SHCBP1L: variants seen among roughly 807,000 people sequenced by gnomAD.
SHCBP1L encodes testicular spindle-associated protein SHCBP1L.
Under a neutral mutation model 62.5 loss-of-function variants are expected in SHCBP1L, and 67 were observed. That is an observed-to-expected ratio of 1.07 (90% CI 0.88 to 1.31). The LOEUF is 1.31. SHCBP1L is among the 40% of genes most tolerant of loss of function. SHCBP1L has a pLI of 0.00. For missense variants in SHCBP1L, 823 were observed against 809.8 expected, an observed-to-expected ratio of 1.02 and a Z score of -0.20; for synonymous variants, 284 against 289.4, an observed-to-expected ratio of 0.98 and a Z score of 0.19.
chr1:182,909,477 G>C (rs897239902), intron 6 of SHCBP1L, among the ~76,000 whole-genome samples: 10 of 152,134 alleles, frequency 6.6e-5, no homozygotes, highest in African/African-American at 2.2e-4. Context: ...TAGGCAAAGA[G>C]GTGGTAGAAA....
At chr1:182,911,438 C>A (rs1446533420) in intron 6 of SHCBP1L, among the ~76,000 whole-genome samples, 1 of 151,916 alleles carries the variant, frequency 6.6e-6, no homozygotes, top group African/African-American at 2.4e-5. Context: ...CAGCTTTCAA[C>A]AAAAAAATTG....
intron 7 of SHCBP1L, 104 bp from the exon 8 acceptor site, chr1:182,904,534 C>CGTGT (rs61031217): frequency 0.015 from 8,912 of 599,040 alleles, 73 homozygotes; most frequent in African/African-American, 0.033. Flanking sequence ...TCCCTGTGTG[C>CGTGT]GTGTGTGTGT....
At position 182,939,078 on chromosome 1, in the gene SHCBP1L, C is replaced by T. The variant is rs987206777; in HGVS notation, c.1076+98G>A. 4.3e-6 allele frequency: 4 copies of T among 921,426 alleles called. No homozygotes were observed. In the African/African-American group the frequency reaches 6.7e-5, roughly 15 times the overall value. 57.1% of individuals were successfully genotyped at this position (921,426 alleles called of 1,614,324 possible). A position where few individuals can be genotyped will look rare whatever the true frequency, so the allele number is the denominator to read the frequency against. ...CATAAATTAGACATCTAATTTTATA[C>T]TTCACTTTAATCAGAACATATACCA... On this transcript the variant is annotated intron_variant, in intron 5 of 9. Transcript: ENST00000367547.
chr1:182,900,074 A>G lies in SHCBP1L; in HGVS notation c.1871T>C (p.Leu624Pro). Residue 624 changes from leucine (L) to proline (P), a missense_variant, in exon 10 of 10, where the codon CTC (leucine) becomes CCC (proline). Transcript: ENST00000367547. ...ATTCAGATTTTGCATTACTTTGAAG[A>G]GCATTTTATCATCTTTTTTATCTCC... is the stretch of plus-strand genomic sequence containing the variant. ...SSGDKKDDKM[L>P]FKVMQNLNLE... 3.0e-5 allele frequency: 49 copies of G among 1,613,066 alleles called. No individual in the cohort carries two copies. Among genetic ancestry groups the G allele is most frequent in the Non-Finnish European group, 4.2e-5 (49 of 1,179,502 alleles).
intron 3 of SHCBP1L, 129 bp from the exon 4 acceptor site, chr1:182,939,682 C>T: frequency 1.5e-6 from 1 of 684,864 alleles, no homozygotes. Context: ...TTAAAATGAC[C>T]TTTGAGTGAA....
At chr1:182,932,343 A>G (rs1156983982) in intron 5 of SHCBP1L, among the ~76,000 whole-genome samples, 1 of 152,102 alleles carries the variant, frequency 6.6e-6, no homozygotes, top group Non-Finnish European at 1.5e-5. Flanking sequence ...ATATGATAAG[A>G]GCATCTTTAG....
In SHCBP1L at chr1:182,899,911, T is replaced by C. The variant is rs1649770506; in HGVS notation, c.*72A>G. 2 of 1,278,494 alleles carry C rather than the reference T, an allele frequency of 1.6e-6. No individual in the cohort carries two copies. Among genetic ancestry groups the C allele is most frequent in the African/African-American group, 1.5e-5 (1 of 66,584 alleles). 79.2% of individuals were successfully genotyped at this position (1,278,494 alleles called of 1,614,324 possible). The stretch of plus-strand genomic sequence containing the variant: ...TTAAGCTTTGAATTGAAACTACCAT[T>C]TCAGTGGGGTATGAGAATCATGTAT... On this transcript the variant is annotated 3_prime_UTR_variant, in exon 10 of 10. Transcript: ENST00000367547.
chr1:182,908,478 A>G (rs575898067), intron 6 of SHCBP1L, among the ~76,000 whole-genome samples: 2 of 152,332 alleles, frequency 1.3e-5, no homozygotes, highest in Admixed American at 6.5e-5. Context: ...ATAGTATTCC[A>G]TGGTGTACAT....
intron 9 of SHCBP1L, among the ~76,000 whole-genome samples, chr1:182,901,905 C>CTTTCTGCAAGAA (rs1649851034): frequency 1.3e-5 from 2 of 152,112 alleles, no homozygotes; most frequent in Non-Finnish European, 2.9e-5. Flanking sequence ...CAGAGTGGGC[C>CTTTCTGCAAGAA]TCTGCAAGAA....
chr1:182,909,562 A>G (rs1414762211), intron 6 of SHCBP1L, among the ~76,000 whole-genome samples: 1 of 152,270 alleles, frequency 6.6e-6, no homozygotes, highest in Non-Finnish European at 1.5e-5. Context: ...TGAACTGCAT[A>G]GACCAACTTA....
chr1:182,916,842 T>G lies in SHCBP1L; in HGVS notation c.1183-11193A>C, dbSNP rs139014444. Among the ~76,000 whole-genome samples the G allele has an allele frequency of 9.5e-4, 144 of 152,228 alleles. 1 individual carries two copies. In the East Asian group the frequency reaches 0.024, roughly 25 times the overall value. The stretch of plus-strand genomic sequence containing the variant: ...AATTAACACCATGAACACTAAATAA[T>G]AACTTATGAATGCAAAGAGGAAAAC... On this transcript the variant is annotated intron_variant, in intron 6 of 9. Transcript: ENST00000367547.
At chr1:182,930,551 G>GTATATATATA (rs10536791) in intron 5 of SHCBP1L, among the ~76,000 whole-genome samples, 15 of 49,460 alleles carry the variant, frequency 3.0e-4, no homozygotes, top group Non-Finnish European at 4.7e-4. Context: ...TAGTGTGTGT[G>GTATATATATA]TATATATATA....
intron 2 of SHCBP1L, among the ~76,000 whole-genome samples, chr1:182,946,532 A>G (rs1406639830): frequency 1.3e-5 from 2 of 152,266 alleles, no homozygotes; most frequent in East Asian, 3.9e-4. Flanking sequence ...CCCAACATTC[A>G]GTACCAGCAA....
At chr1:182,934,250 T>C (rs984245158) in intron 5 of SHCBP1L, among the ~76,000 whole-genome samples, 12 of 151,692 alleles carry the variant, frequency 7.9e-5, no homozygotes, top group South Asian at 4.1e-4. Flanking sequence ...TGTTTCACTT[T>C]GTAAGAAACT....
At chr1:182,919,120 G>A (rs950136905) in intron 6 of SHCBP1L, among the ~76,000 whole-genome samples, 2 of 152,206 alleles carry the variant, frequency 1.3e-5, no homozygotes, top group South Asian at 4.1e-4. Flanking sequence ...ACAAAAGCAT[G>A]AGTAACAAAA....
At chr1:182,944,251 C>T (rs1651477316) in intron 2 of SHCBP1L, 1 of 152,036 alleles carries the variant, frequency 6.6e-6, no homozygotes, top group African/African-American at 2.4e-5. Flanking sequence ...ACTAAAAATA[C>T]AAAATTAGCC....
intron 6 of SHCBP1L, among the ~76,000 whole-genome samples, chr1:182,918,225 C>CACATATATATACAT (rs1557994278): frequency 7.1e-6 from 1 of 140,934 alleles, no homozygotes; most frequent in Non-Finnish European, 1.5e-5. Context: ...TATATATACA[C>CACATATATATACAT]ATATATATAT....
intron 9 of SHCBP1L, among the ~76,000 whole-genome samples, chr1:182,900,723 G>T (rs1324531658): frequency 1.3e-5 from 2 of 152,114 alleles, no homozygotes; most frequent in African/African-American, 4.8e-5. Flanking sequence ...GAGCCACCAT[G>T]CCCAGCCAAT....
At chr1:182,925,016 G>A (rs1366136439) in intron 6 of SHCBP1L, among the ~76,000 whole-genome samples, 2 of 138,748 alleles carry the variant, frequency 1.4e-5, no homozygotes, top group Non-Finnish European at 3.1e-5. Flanking sequence ...AAGGAAGGAA[G>A]GGGAGGAAGG....
Sources: gnomAD v4.1 joint callset for allele counts (sites outside exome capture counted in the v4.1 genomes callset) on GRCh38, gnomAD v4.1.1 for gene constraint, MANE v1.5 for transcripts, NCBI Gene and HGNC (gene_info 2026-07-23, HGNC 2026-07-21) for gene names.